The following SLC16A12 variants were observed in gnomAD, a reference collection of about 807,000 sequenced individuals.
SLC16A12 encodes the protein solute carrier family 16 member 12, also known as monocarboxylate transporter 12.
Under a neutral mutation model 42.4 loss-of-function variants are expected in SLC16A12, and 17 were observed. The ratio of observed to expected loss-of-function variants is 0.40; its 90% confidence interval spans 0.27 to 0.60. The LOEUF is 0.60. Ranked by LOEUF, SLC16A12 falls within the 20% of genes least tolerant of loss-of-function variation. The pLI, the probability that SLC16A12 is intolerant of heterozygous loss-of-function variation, is 0.42. For missense variants in SLC16A12, 544 were observed against 623.0 expected (o/e 0.87, Z 1.35); for synonymous variants, 224 against 229.4 (o/e 0.98, Z 0.21).
intron 2 of SLC16A12, among the ~76,000 whole-genome samples, chr10:89,496,563 G>A (rs775126172): frequency 1.1e-4 from 17 of 152,146 alleles, no homozygotes; most frequent in Admixed American, 2.0e-4. Flanking sequence ...CCACATTTGA[G>A]CGTCCAATGA....
In SLC16A12 at chr10:89,444,135, G is replaced by T. The variant is rs7094919; in HGVS notation, c.201-276C>A. On this transcript the variant is annotated intron_variant, in intron 3 of 7. Transcript: ENST00000371790. ...GAAACAAAAGCAGGTCAGGAACATG[G>T]ATTCTTATTTATTTTTGTATTTTGC... Among the ~76,000 whole-genome samples, 13,190 of 152,138 alleles carry T rather than the reference G, an allele frequency of 0.087. 661 individuals are homozygous for T. Among genetic ancestry groups the T allele is most frequent in the South Asian group, 0.16 (751 of 4,826 alleles).
chr10:89,467,979 T>G (rs183694184), intron 2 of SLC16A12: 1 of 152,372 alleles, frequency 6.6e-6, no homozygotes, highest in East Asian at 1.9e-4. Flanking sequence ...TGATTAATTT[T>G]TACTTTGCTG....
intron 2 of SLC16A12, among the ~76,000 whole-genome samples, chr10:89,520,169 A>G (rs1392201625): frequency 6.6e-6 from 1 of 152,188 alleles, no homozygotes; most frequent in African/African-American, 2.4e-5. Context: ...CACTACAAGT[A>G]TATCATTGTC....
At chr10:89,486,854 C>A (rs1051189114) in intron 2 of SLC16A12, among the ~76,000 whole-genome samples, 3 of 152,062 alleles carry the variant, frequency 2.0e-5, no homozygotes, top group Non-Finnish European at 4.4e-5. Flanking sequence ...AACTGTGACT[C>A]TTTGAGGAAA....
At chr10:89,541,832 G>T (rs1317407886) in intron 2 of SLC16A12, among the ~76,000 whole-genome samples, 3 of 152,056 alleles carry the variant, frequency 2.0e-5, no homozygotes, top group Admixed American at 2.0e-4. Flanking sequence ...ATTTCCACTA[G>T]GTTAGGTTGT....
chr10:89,456,144 C>A (rs1221509530), intron 3 of SLC16A12: 1 of 152,188 alleles, frequency 6.6e-6, no homozygotes. Flanking sequence ...AGTCCTGCCA[C>A]TTACTAACCA....
At chr10:89,464,583 T>G (rs1417989249) in intron 2 of SLC16A12, among the ~76,000 whole-genome samples, 1 of 152,242 alleles carries the variant, frequency 6.6e-6, no homozygotes, top group East Asian at 1.9e-4. Context: ...TGTGGATTAT[T>G]TGATGAACAA....
At position 89,430,806 on chromosome 10, in the gene SLC16A12, C is replaced by G. The variant is rs977776497; in HGVS notation, c.*2258G>C. The G allele has an allele frequency of 2.3e-6, 1 of 427,374 alleles. No homozygotes were observed. Among genetic ancestry groups the G allele is most frequent in the Admixed American group, 3.1e-5 (1 of 32,268 alleles). The allele number at this position is 427,374 out of a possible 1,614,324, so 26.5% of individuals were successfully genotyped here. ...TTTCATAAATACTTGTAATACTTCA[C>G]AGAAATTATATTGCAGAACCACATA... is the stretch of plus-strand genomic sequence containing the variant. On this transcript the variant is annotated 3_prime_UTR_variant, in exon 8 of 8. Coordinates refer to ENST00000371790, the MANE Select transcript of SLC16A12 (RefSeq NM_213606.4).
intron 2 of SLC16A12, among the ~76,000 whole-genome samples, chr10:89,547,692 G>A (rs1843749284): frequency 6.6e-6 from 1 of 152,136 alleles, no homozygotes. Flanking sequence ...ACACTTGCTA[G>A]AAGAATTCAG....
Position 89,490,607 on chromosome 10 carries a change from TG to T in SLC16A12, c.-46-27984del, listed in dbSNP as rs140324661. On this transcript the variant is annotated intron_variant, in intron 2 of 7. Transcript: ENST00000371790. Reference sequence around the variant, plus strand: ...TGGAAGAGAAGCATAAGGCAAGGTATGGGGGGCCGGGATTGGGAACGCAGAG... The same window carrying T: ...TGGAAGAGAAGCATAAGGCAAGGTATGGGGGCCGGGATTGGGAACGCAGAG... Among the ~76,000 whole-genome samples the T allele has an allele frequency of 2.1e-3, 316 of 152,264 alleles. 6 individuals are homozygous for T. The East Asian group carries it at 0.054, about 26-fold the overall frequency.
At chr10:89,527,754 T>C (rs567981936) in intron 2 of SLC16A12, among the ~76,000 whole-genome samples, 6 of 148,886 alleles carry the variant, frequency 4.0e-5, no homozygotes, top group Admixed American at 1.3e-4. Flanking sequence ...CAATGAACCA[T>C]CATTGCACCA....
rs1564585912 is a variant in SLC16A12, at chr10:89,486,644, AAAGAAAGAAAGAAAGAAAGAAAAG to A, written c.-46-24044_-46-24021del. ...GAAAGAAAGAAAGAAAGAAAGAAAG[AAAGAAAGAAAGAAAGAAAGAAAAG>A]AAAGAAAGAAAGAAAAGAAAGAAAA... On this transcript the variant is annotated intron_variant, in intron 2 of 7. Coordinates refer to ENST00000371790, the MANE Select transcript of SLC16A12 (RefSeq NM_213606.4). Among the ~76,000 whole-genome samples the A allele has an allele frequency of 1.7e-3, 212 of 123,582 alleles. 4 individuals are homozygous for A. The highest frequency in any genetic ancestry group is 5.3e-3 in the African/African-American group (175 of 33,088). 81.1% of individuals were successfully genotyped at this position (123,582 alleles called of 152,430 possible). A position where few individuals can be genotyped will look rare whatever the true frequency, so the allele number is the denominator to read the frequency against.
intron 3 of SLC16A12, among the ~76,000 whole-genome samples, chr10:89,459,258 G>A (rs541138503): frequency 1.2e-4 from 18 of 152,046 alleles, no homozygotes; most frequent in Non-Finnish European, 2.5e-4. Context: ...ACAGCTCGCT[G>A]GATATTAAGA....
chr10:89,532,513 T>C (rs1241667887), intron 2 of SLC16A12, among the ~76,000 whole-genome samples: 1 of 152,208 alleles, frequency 6.6e-6, no homozygotes, highest in Non-Finnish European at 1.5e-5. Context: ...ATCAATTAAA[T>C]TATTATATCA....
intron 2 of SLC16A12, among the ~76,000 whole-genome samples, chr10:89,532,500 T>G (rs190797158): frequency 5.1e-4 from 78 of 152,344 alleles, no homozygotes; most frequent in Non-Finnish European, 9.6e-4. Context: ...GTATTTAGTT[T>G]TCATCAATTA....
At chr10:89,456,531 T>C (rs1842193578) in intron 3 of SLC16A12, among the ~76,000 whole-genome samples, 1 of 152,182 alleles carries the variant, frequency 6.6e-6, no homozygotes, top group African/African-American at 2.4e-5. Context: ...TTTTTTCATT[T>C]TTTAAAATTT....
At position 89,459,516 on chromosome 10, in the gene SLC16A12, A is replaced by ATGTGTGTGTGTGTG. The variant is rs58259835; in HGVS notation, c.200+2849_200+2862dup. Among the ~76,000 whole-genome samples the ATGTGTGTGTGTGTG allele has an allele frequency of 3.8e-3, 574 of 149,738 alleles. 8 individuals are homozygous for ATGTGTGTGTGTGTG. Among genetic ancestry groups the ATGTGTGTGTGTGTG allele is most frequent in the Middle Eastern group, 0.014 (4 of 292 alleles). ...AAAGGGCATAGCGGTTTCTGTGTTT[A>ATGTGTGTGTGTGTG]TGTGTGTGTGTGTGTGTGTGTATGT... On this transcript the variant is annotated intron_variant, in intron 3 of 7. Coordinates refer to ENST00000371790, the MANE Select transcript of SLC16A12 (RefSeq NM_213606.4).
intron 2 of SLC16A12, among the ~76,000 whole-genome samples, chr10:89,551,122 G>A (rs1001726314): frequency 6.6e-5 from 10 of 152,184 alleles, no homozygotes; most frequent in Non-Finnish European, 7.3e-5. Context: ...CTGTTCCAGA[G>A]TTATACTGGT....
chr10:89,453,766 G>A (rs1184246038), intron 3 of SLC16A12, among the ~76,000 whole-genome samples: 2 of 152,024 alleles, frequency 1.3e-5, no homozygotes, highest in South Asian at 2.1e-4. Context: ...ATCCTTACCC[G>A]AAGGCTTCTC....
Sources: allele counts gnomAD v4.1 joint callset (sites outside exome capture counted in the v4.1 genomes callset), GRCh38; gene constraint gnomAD v4.1.1; transcripts MANE v1.5; gene names NCBI Gene and HGNC (gene_info 2026-07-23, HGNC 2026-07-21).